CHODL: variants seen among roughly 807,000 people sequenced by gnomAD.
CHODL encodes transmembrane protein MT75.
A neutral mutation model predicts 34.5 loss-of-function variants in CHODL; 29 were observed. That is an observed-to-expected ratio of 0.84 (90% CI 0.63 to 1.15). CHODL has a LOEUF of 1.15. CHODL is among the 50% of genes most tolerant of loss of function. CHODL has a pLI of 0.00. For missense variants in CHODL, 332 were observed against 332.5 expected, an observed-to-expected ratio of 1.00 and a Z score of 0.01; for synonymous variants, 125 against 116.1, an observed-to-expected ratio of 1.08 and a Z score of -0.49.
At chr21:18,179,173 T>G (rs1309635209) in intron 2 of CHODL, among the ~76,000 whole-genome samples, 1 of 152,172 alleles carries the variant, frequency 6.6e-6, no homozygotes, top group African/African-American at 2.4e-5. Context: ...TTTGAGGTGG[T>G]GCAGGACTTA....
chr21:18,265,310 C>T (rs12185820), intron 5 of CHODL, among the ~76,000 whole-genome samples: 14,179 of 147,042 alleles, frequency 0.096, 915 homozygotes, highest in African/African-American at 0.18. Context: ...CACACACACA[C>T]ATATATATAT....
chr21:18,189,758 C>T (rs1471039622), intron 2 of CHODL, among the ~76,000 whole-genome samples: 1 of 151,570 alleles, frequency 6.6e-6, no homozygotes, highest in Non-Finnish European at 1.5e-5. Context: ...TCTCAGCCTC[C>T]TGAATAGCTG....
intron 2 of CHODL, among the ~76,000 whole-genome samples, chr21:18,146,398 G>A (rs1183983705): frequency 1.3e-5 from 2 of 152,014 alleles, no homozygotes; most frequent in East Asian, 1.9e-4. Context: ...CACATAGTGG[G>A]GGCGGGACAT....
chr21:17,980,490 C>A (rs757785040), intron 1 of CHODL, among the ~76,000 whole-genome samples: 1 of 152,126 alleles, frequency 6.6e-6, no homozygotes, highest in Non-Finnish European at 1.5e-5. Context: ...ATAAGTTATT[C>A]ATCCATTTGA....
chr21:18,189,321 T>C (rs9979739), intron 2 of CHODL, among the ~76,000 whole-genome samples: 20,019 of 151,064 alleles, frequency 0.13, 1,889 homozygotes, highest in African/African-American at 0.26. Flanking sequence ...AAACTTAGAA[T>C]TGTACAAGCA....
chr21:17,994,117 G>A (rs1358774158), intron 1 of CHODL, among the ~76,000 whole-genome samples: 1 of 150,004 alleles, frequency 6.7e-6, no homozygotes, highest in African/African-American at 2.5e-5. Context: ...GTTCTGCTCT[G>A]ATCTTTACTA....
In CHODL at chr21:18,102,890, T is replaced by A. The variant is rs1419832187; in HGVS notation, c.-45+74919T>A. 2.0e-5 allele frequency among the ~76,000 whole-genome samples: 3 copies of A among 152,298 alleles called. No individual in the cohort carries two copies. In the East Asian group the frequency reaches 5.8e-4, roughly 29 times the overall value. ...AGAATTGGAACTGAAAGTAACACATTAATTTCCTTGGCATAAATTTCTGCT... is the reference window on the plus strand; with the variant it reads ...AGAATTGGAACTGAAAGTAACACATAAATTTCCTTGGCATAAATTTCTGCT... On this transcript the variant is annotated intron_variant, in intron 2 of 6. Coordinates refer to the CHODL transcript ENST00000400127.
intron 2 of CHODL, among the ~76,000 whole-genome samples, chr21:18,161,511 C>T (rs1205359536): frequency 3.3e-5 from 5 of 152,206 alleles, no homozygotes; most frequent in Non-Finnish European, 7.3e-5. Flanking sequence ...TCTTTTCACA[C>T]TTCACACCTT....
At chr21:17,985,288 T>C (rs2063744873) in intron 1 of CHODL, among the ~76,000 whole-genome samples, 1 of 152,216 alleles carries the variant, frequency 6.6e-6, no homozygotes, top group Non-Finnish European at 1.5e-5. Context: ...TCAGACTTTC[T>C]TCATTGTATC....
chr21:18,145,107 G>A (rs1196269414), intron 2 of CHODL, among the ~76,000 whole-genome samples: 1 of 150,514 alleles, frequency 6.6e-6, no homozygotes, highest in Non-Finnish European at 1.5e-5. Context: ...GTTCAAGTCA[G>A]TAAAGCAGAA....
At chr21:17,996,567 C>CA (rs2063851236) in intron 1 of CHODL, among the ~76,000 whole-genome samples, 2 of 151,956 alleles carry the variant, frequency 1.3e-5, no homozygotes, top group African/African-American at 4.8e-5. Flanking sequence ...GTGGGGATGC[C>CA]AAAAAGGGGA....
In CHODL at chr21:18,098,554, T is replaced by G. The variant is rs150126644; in HGVS notation, c.-45+70583T>G. ...CATCTTACTCGGCTAAAATAGCTTT[T>G]ATTCAAAATTTAGGCAATAACAAAT... On this transcript the variant is annotated intron_variant, in intron 2 of 6. Coordinates refer to the CHODL transcript ENST00000400127. Among the ~76,000 whole-genome samples, 494 of 152,226 alleles carry G rather than the reference T, an allele frequency of 3.2e-3. 7 individuals carry two copies. The Middle Eastern group carries it at 0.075, about 23-fold the overall frequency.
At chr21:18,105,361 A>G (rs1381632355) in intron 2 of CHODL, among the ~76,000 whole-genome samples, 2 of 152,158 alleles carry the variant, frequency 1.3e-5, no homozygotes, top group African/African-American at 2.4e-5. Context: ...TTTTATCCCA[A>G]TTGTGGCTGA....
At chr21:18,072,671 A>G (rs1191390459) in intron 2 of CHODL, among the ~76,000 whole-genome samples, 1 of 152,096 alleles carries the variant, frequency 6.6e-6, no homozygotes, top group Non-Finnish European at 1.5e-5. Flanking sequence ...TTAAGATAAA[A>G]AAAAAACCCA....
chr21:18,063,538 T>C (rs1343259435), intron 2 of CHODL, among the ~76,000 whole-genome samples: 3 of 152,066 alleles, frequency 2.0e-5, no homozygotes, highest in African/African-American at 7.2e-5. Context: ...AATAGGTGTG[T>C]TTGCAAGAAA....
intron 1 of CHODL, among the ~76,000 whole-genome samples, chr21:17,975,927 C>T (rs2063658267): frequency 6.6e-6 from 1 of 152,018 alleles, no homozygotes; most frequent in South Asian, 2.1e-4. Context: ...TATGAAAGTC[C>T]AGTACAGATT....
chr21:17,923,543 C>A (rs1338161763), intron 1 of CHODL, among the ~76,000 whole-genome samples: 1 of 149,760 alleles, frequency 6.7e-6, no homozygotes, highest in East Asian at 2.0e-4. Context: ...CTCACTGCAA[C>A]CTCCGCCTCC....
chr21:18,009,220 A>G (rs1413478111), intron 1 of CHODL, among the ~76,000 whole-genome samples: 2 of 152,204 alleles, frequency 1.3e-5, no homozygotes, highest in African/African-American at 4.8e-5. Flanking sequence ...ATTCATTCAT[A>G]TACTTTAGCC....
intron 2 of CHODL, among the ~76,000 whole-genome samples, chr21:18,117,006 C>A (rs1405946461): frequency 6.6e-6 from 1 of 152,164 alleles, no homozygotes; most frequent in East Asian, 1.9e-4. Flanking sequence ...ACTGATAGAG[C>A]TTTCCAGAAG....
Sources: gnomAD v4.1 joint callset for allele counts (sites outside exome capture counted in the v4.1 genomes callset) on GRCh38, gnomAD v4.1.1 for gene constraint, MANE v1.5 for transcripts, NCBI Gene and HGNC (gene_info 2026-07-23, HGNC 2026-07-21) for gene names.